The following TGFBR3 variants were observed in gnomAD, a reference collection of about 807,000 sequenced individuals.
TGFBR3 encodes the protein transforming growth factor beta receptor 3.
In TGFBR3, 46 loss-of-function variants were observed where a neutral mutation model predicts 87.9. The ratio of observed to expected loss-of-function variants is 0.52; its 90% confidence interval spans 0.41 to 0.67. The LOEUF (loss-of-function observed/expected upper bound fraction) is 0.67, where lower values mean the gene tolerates loss of function less well. Among genes scored for constraint, TGFBR3 ranks in the 30% least tolerant of loss-of-function variants. The pLI is 0.00. For synonymous variants in TGFBR3, 381 were observed against 391.6 expected (o/e 0.97, Z 0.32); for missense variants, 866 against 1,041.9 (o/e 0.83, Z 2.32).
At chr1:91,762,111 A>G (rs1207426874) in intron 3 of TGFBR3, among the ~76,000 whole-genome samples, 2 of 152,222 alleles carry the variant, frequency 1.3e-5, no homozygotes, top group African/African-American at 2.4e-5. Context: ...GCAAGCTGTG[A>G]AGGCTGGTAG....
intron 1 of TGFBR3, among the ~76,000 whole-genome samples, chr1:91,881,491 CAATT>C (rs1317659949): frequency 2.6e-5 from 4 of 152,246 alleles, no homozygotes; most frequent in African/African-American, 9.6e-5. Flanking sequence ...TGAATAAGGA[CAATT>C]AATTTGCCAA....
chr1:91,849,678 T>C (rs565357633), intron 2 of TGFBR3, among the ~76,000 whole-genome samples: 28 of 152,376 alleles, frequency 1.8e-4, no homozygotes, highest in African/African-American at 6.7e-4. Context: ...TTATCTGTTT[T>C]GTTTACTACT....
rs1672301443 is a variant in TGFBR3 at position 91,719,913 on chromosome 1, C to T, written c.1393G>A (p.Val465Ile). 1.9e-6 allele frequency: 3 copies of T among 1,614,204 alleles called. No homozygotes were observed. The highest frequency in any genetic ancestry group is 2.5e-6 in the Non-Finnish European group (3 of 1,180,038). Residue 465 changes from valine (V) to isoleucine (I), a missense_variant, in exon 9 of 17, where the codon GTA (valine) becomes ATA (isoleucine). By Grantham distance (29) the Val-to-Ile change is conservative (BLOSUM62 3). Coordinates refer to ENST00000212355, the MANE Select transcript of TGFBR3 (RefSeq NM_003243.5). ...CCGACCTGAAAAGAATCTTTTTCTA[C>T]AGCCACGATCATCTTCTCATTGTCA... ...KCDNEKMIVAVEKDSFQASGY... is the reference protein window; with the variant it reads ...KCDNEKMIVAIEKDSFQASGY...
chr1:91,724,870 T>C (rs538682971), intron 7 of TGFBR3, among the ~76,000 whole-genome samples: 91 of 152,270 alleles, frequency 6.0e-4, no homozygotes, highest in African/African-American at 1.8e-3. Flanking sequence ...ACTGATGGTA[T>C]AGGGGAGGGA....
At chr1:91,732,273 A>G (rs1229517106) in intron 5 of TGFBR3, among the ~76,000 whole-genome samples, 4 of 152,104 alleles carry the variant, frequency 2.6e-5, no homozygotes, top group Non-Finnish European at 5.9e-5. Context: ...CAAAACTCTT[A>G]AATTCTTTCA....
intron 7 of TGFBR3, among the ~76,000 whole-genome samples, chr1:91,722,474 C>A (rs1672404206): frequency 7.1e-6 from 1 of 140,586 alleles, no homozygotes; most frequent in Admixed American, 7.5e-5. Context: ...TTAACACACA[C>A]AGTACATATG....
At chr1:91,737,015 G>C (rs1257777112) in intron 4 of TGFBR3, among the ~76,000 whole-genome samples, 1 of 152,218 alleles carries the variant, frequency 6.6e-6, no homozygotes. Flanking sequence ...ATTGTGTCCT[G>C]AAGTAATTAA....
intron 10 of TGFBR3, among the ~76,000 whole-genome samples, chr1:91,717,905 C>T (rs1672230856): frequency 6.7e-6 from 1 of 149,834 alleles, no homozygotes; most frequent in African/African-American, 2.5e-5. Context: ...TCTTAACAGA[C>T]ATATTACTGT....
intron 2 of TGFBR3, among the ~76,000 whole-genome samples, chr1:91,816,210 A>G (rs1255982768): frequency 2.0e-5 from 3 of 152,228 alleles, no homozygotes. Flanking sequence ...TTGGTCACTT[A>G]GTAATTAAAA....
At chr1:91,865,378 CATGTATACCTA>C (rs1678355620) in intron 1 of TGFBR3, among the ~76,000 whole-genome samples, 1 of 150,034 alleles carries the variant, frequency 6.7e-6, no homozygotes. Context: ...CAACATGGCA[CATGTATACCTA>C]ATGTATACCT....
chr1:91,701,209 C>T (rs1279475417), intron 14 of TGFBR3, among the ~76,000 whole-genome samples: 1 of 152,020 alleles, frequency 6.6e-6, no homozygotes, highest in Non-Finnish European at 1.5e-5. Context: ...TAAACAGAAA[C>T]AGTTGTTGTT....
At chr1:91,808,830 A>G (rs1675929891) in intron 2 of TGFBR3, among the ~76,000 whole-genome samples, 1 of 152,182 alleles carries the variant, frequency 6.6e-6, no homozygotes, top group African/African-American at 2.4e-5. Flanking sequence ...GGAAGCTTAA[A>G]CAGAAGGAGA....
At chr1:91,718,463 C>T (rs766021626) in intron 10 of TGFBR3, among the ~76,000 whole-genome samples, 2 of 149,532 alleles carry the variant, frequency 1.3e-5, no homozygotes, top group Admixed American at 6.6e-5. Context: ...AAGAAGACAC[C>T]CCCCCTCCCA....
At chr1:91,708,822 C>A in intron 13 of TGFBR3, 39 bp from the exon 14 acceptor site, 1 of 1,610,636 alleles carries the variant, frequency 6.2e-7, no homozygotes, top group Non-Finnish European at 8.5e-7. Flanking sequence ...TCAGGGGCCA[C>A]TCAAAAGTGC....
chr1:91,894,901 G>T (rs1053542030), intron 2 of TGFBR3, among the ~76,000 whole-genome samples: 2 of 152,164 alleles, frequency 1.3e-5, no homozygotes, highest in Non-Finnish European at 2.9e-5. Context: ...CTCCCGAGTA[G>T]CTGGGACTAC....
In TGFBR3 at chr1:91,719,563, G is replaced by A. The variant is rs1019722030; in HGVS notation, c.1414-99C>T. 137 of 1,453,388 alleles carry A rather than the reference G, an allele frequency of 9.4e-5. 1 individual carries two copies. The highest frequency in any genetic ancestry group is 8.0e-4 in the South Asian group (70 of 87,004). 90.0% of individuals were successfully genotyped at this position (1,453,388 alleles called of 1,614,324 possible). On this transcript the variant is annotated intron_variant, in intron 9 of 16. Coordinates refer to ENST00000212355, the MANE Select transcript of TGFBR3 (RefSeq NM_003243.5). ...ATTGCCTGGTCTTCCAAGGACAGGCGATGAGAGGCCTGCATCGTGCCCCTT... is the reference window on the plus strand; with the variant it reads ...ATTGCCTGGTCTTCCAAGGACAGGCAATGAGAGGCCTGCATCGTGCCCCTT...
chr1:91,818,278 C>CTTT (rs760050197), intron 2 of TGFBR3, among the ~76,000 whole-genome samples: 1 of 32,468 alleles, frequency 3.1e-5, no homozygotes, highest in African/African-American at 9.9e-5. Context: ...TAGCCCCAGC[C>CTTT]TTTTTTTTTT....
chr1:91,734,978 C>T lies in TGFBR3; in HGVS notation c.385-19G>A. On this transcript the variant is annotated intron_variant, in intron 4 of 16. Coordinates refer to ENST00000212355, the MANE Select transcript of TGFBR3 (RefSeq NM_003243.5). ...CAGACACCTAGAGGAAAGAGAATTGCGTATTTAACATGGTGCAGTCACCGG... is the reference window on the plus strand; with the variant it reads ...CAGACACCTAGAGGAAAGAGAATTGTGTATTTAACATGGTGCAGTCACCGG... The T allele has an allele frequency of 9.9e-6, 16 of 1,613,812 alleles. No homozygotes were observed. Among genetic ancestry groups the T allele is most frequent in the Non-Finnish European group, 1.3e-5 (15 of 1,179,816 alleles).
intron 2 of TGFBR3, among the ~76,000 whole-genome samples, chr1:91,853,833 G>A (rs1677836207): frequency 6.6e-6 from 1 of 152,164 alleles, no homozygotes; most frequent in Non-Finnish European, 1.5e-5. Context: ...CCAATATGGT[G>A]AAACCCCATC....
Sources: allele counts gnomAD v4.1 joint callset (sites outside exome capture counted in the v4.1 genomes callset), GRCh38; gene constraint gnomAD v4.1.1; transcripts MANE v1.5; gene names NCBI Gene and HGNC (gene_info 2026-07-23, HGNC 2026-07-21).